The following ZNF248 variants were observed in gnomAD, a reference collection of about 807,000 sequenced individuals.
ZNF248 encodes zinc finger protein 248, also known as KRAB protein domain.
In ZNF248, 20 loss-of-function variants were observed where a neutral mutation model predicts 44.3. The ratio of observed to expected loss-of-function variants is 0.45; its 90% CI spans 0.32 to 0.66. The LOEUF is 0.66. ZNF248 is among the 30% of genes least tolerant of loss of function. The probability of loss-of-function intolerance (pLI) is 0.04; values close to 1 mark genes in which losing one functional copy is unlikely to be tolerated. For synonymous variants in ZNF248, 224 were observed against 229.0 expected (o/e 0.98, Z 0.20); for missense variants, 654 against 677.0 (o/e 0.97, Z 0.38).
chr10:37,830,896 T>C lies in ZNF248; in HGVS notation c.*719A>G. ...TATTACCTTTGTTTTTAACTGTAAG[T>C]TTACATATTTTAAATAATGACTGCT... is the stretch of plus-strand genomic sequence containing the variant. On this transcript the variant is annotated 3_prime_UTR_variant, in exon 6 of 6. Transcript: ENST00000395867. 1 of 227,936 alleles carries C rather than the reference T, an allele frequency of 4.4e-6. No individual in the cohort carries two copies. Among genetic ancestry groups the C allele is most frequent in the South Asian group, 1.2e-4 (1 of 8,228 alleles). The allele number at this position is 227,936 out of a possible 1,614,324, so 14.1% of individuals were successfully genotyped here.
At chr10:37,779,535 A>G (rs1241781877) in intron 6 of ZNF248, among the ~76,000 whole-genome samples, 2 of 151,924 alleles carry the variant, frequency 1.3e-5, no homozygotes, top group Non-Finnish European at 2.9e-5. Flanking sequence ...AGAGCTATCT[A>G]TGACAAACCC....
the ZNF248 span, among the ~76,000 whole-genome samples, chr10:37,762,178 G>A: frequency 2.0e-5 from 3 of 152,154 alleles, no homozygotes; most frequent in South Asian, 6.2e-4. Context: ...GAATAAGTGG[G>A]GGATAACTGT....
intron 5 of ZNF248, among the ~76,000 whole-genome samples, chr10:37,835,133 A>G (rs1230793859): frequency 3.3e-5 from 5 of 151,668 alleles, no homozygotes; most frequent in Non-Finnish European, 1.5e-5. Flanking sequence ...AGGCTAAAAA[A>G]AAAGAGAAAA....
chr10:37,835,333 G>A (rs7917989), intron 5 of ZNF248, among the ~76,000 whole-genome samples: 1,614 of 152,242 alleles, frequency 0.011, 24 homozygotes, highest in South Asian at 0.06. Context: ...TTATTAGTAC[G>A]GTGATGCCAT....
In ZNF248 at chr10:37,831,575, T is replaced by C. The variant is rs1265671837; in HGVS notation, c.*40A>G. The C allele has an allele frequency of 1.3e-6, 2 of 1,580,464 alleles. No individual in the cohort carries two copies. Among genetic ancestry groups the C allele is most frequent in the Non-Finnish European group, 1.7e-6 (2 of 1,164,082 alleles). ...TTTCTCTGATCTCCTTTTTTGAAAC[T>C]GTATAACCAATTTCACAAGTGTATG... On this transcript the variant is annotated 3_prime_UTR_variant, in exon 6 of 6. Transcript: ENST00000395867.
chr10:37,811,671 CA>C (rs367773211), intron 6 of ZNF248, among the ~76,000 whole-genome samples: 3,922 of 132,806 alleles, frequency 0.03, 62 homozygotes, highest in Non-Finnish European at 0.037. Flanking sequence ...CCTGTCTCTA[CA>C]AAAAAAAAAA....
intron 6 of ZNF248, among the ~76,000 whole-genome samples, chr10:37,804,429 T>C (rs1157695007): frequency 2.0e-5 from 3 of 151,922 alleles, no homozygotes; most frequent in African/African-American, 7.3e-5. Context: ...ATTTATTTTA[T>C]GTATTTATTT....
chr10:37,790,708 C>CTAAATAAATAAATAAATAAATAAATAAA (rs149151524), intron 6 of ZNF248, among the ~76,000 whole-genome samples: 1 of 147,590 alleles, frequency 6.8e-6, no homozygotes, highest in Non-Finnish European at 1.5e-5. Context: ...GGCTCCGTCT[C>CTAAATAAATAAATAAATAAATAAATAAA]TAAATAAATA....
At chr10:37,769,988 CAG>C in the ZNF248 span, among the ~76,000 whole-genome samples, 1 of 152,104 alleles carries the variant, frequency 6.6e-6, no homozygotes. Flanking sequence ...AACAGACAAA[CAG>C]AGAGCCAAAT....
chr10:37,786,603 A>G (rs1156872250), intron 6 of ZNF248, among the ~76,000 whole-genome samples: 1 of 152,222 alleles, frequency 6.6e-6, no homozygotes, highest in Non-Finnish European at 1.5e-5. Context: ...TTATACATGA[A>G]TCATTCCATT....
chr10:37,778,670 G>A (rs1023141961), intron 6 of ZNF248, among the ~76,000 whole-genome samples: 35 of 152,130 alleles, frequency 2.3e-4, no homozygotes, highest in Admixed American at 6.5e-4. Flanking sequence ...CAGGTCTAAC[G>A]TTTAAGTCTT....
chr10:37,766,386 G>A, the ZNF248 span, among the ~76,000 whole-genome samples: 6 of 152,160 alleles, frequency 3.9e-5, no homozygotes, highest in African/African-American at 1.2e-4. Flanking sequence ...ACCTCACATG[G>A]CCGGGTACTC....
At chr10:37,845,699 C>A (rs2059211703) in intron 3 of ZNF248, among the ~76,000 whole-genome samples, 1 of 151,784 alleles carries the variant, frequency 6.6e-6, no homozygotes, top group Non-Finnish European at 1.5e-5. Context: ...CAAACTAGAA[C>A]TATGAAAAGG....
intron 6 of ZNF248, among the ~76,000 whole-genome samples, chr10:37,801,576 C>G (rs1217211459): frequency 1.3e-5 from 2 of 151,670 alleles, no homozygotes; most frequent in Admixed American, 1.3e-4. Context: ...TATACAAGAG[C>G]CTTAAAAATA....
chr10:37,818,706 G>T, intron 6 of ZNF248: 1 of 569,476 alleles, frequency 1.8e-6, no homozygotes, highest in Non-Finnish European at 3.3e-6. Flanking sequence ...CAGCAAGTAG[G>T]GGGTCACAGG....
chr10:37,819,673 A>G, intron 6 of ZNF248: 1 of 794,146 alleles, frequency 1.3e-6, no homozygotes, highest in Non-Finnish European at 2.3e-6. Context: ...CCTCCTTTTT[A>G]AGATGACCTA....
intron 3 of ZNF248, among the ~76,000 whole-genome samples, chr10:37,842,057 T>G (rs960271037): frequency 6.6e-6 from 1 of 152,214 alleles, no homozygotes; most frequent in African/African-American, 2.4e-5. Context: ...CACTTAATAA[T>G]ATATCAGTAT....
chr10:37,766,728 C>G, the ZNF248 span, among the ~76,000 whole-genome samples: 1 of 152,186 alleles, frequency 6.6e-6, no homozygotes, highest in Non-Finnish European at 1.5e-5. Context: ...TCTCCTCCTC[C>G]AAAGGAACAC....
chr10:37,820,527 C>T lies in ZNF248; in HGVS notation c.330+12498G>A, dbSNP rs1176949099. On this transcript the variant is annotated intron_variant, in intron 6 of 6. Coordinates refer to the ZNF248 transcript ENST00000615949. Reference sequence around the variant, plus strand: ...GAATGTTGCGGTGAGGATCGTGCAACTGGTGCAACACTTCTGCCAGGGCTG... The same window carrying T: ...GAATGTTGCGGTGAGGATCGTGCAATTGGTGCAACACTTCTGCCAGGGCTG... 5 of 1,601,990 alleles carry T rather than the reference C, an allele frequency of 3.1e-6. No homozygotes were observed. The African/African-American group carries it at 5.4e-5, about 17-fold the overall frequency.
Sources: gnomAD v4.1 joint callset for allele counts (sites outside exome capture counted in the v4.1 genomes callset) on GRCh38, gnomAD v4.1.1 for gene constraint, MANE v1.5 for transcripts, NCBI Gene and HGNC (gene_info 2026-07-23, HGNC 2026-07-21) for gene names.